Variants in WASF3 observed in about 807,000 individuals in gnomAD.
WASF3 encodes the protein actin-binding protein WASF3.
WASF3 carries 11 observed loss-of-function variants against 46.6 expected under a neutral mutation model. The observed-to-expected ratio is 0.24, with a 90% confidence interval of 0.15 to 0.39. The LOEUF is 0.39. Ranked by LOEUF, WASF3 falls within the 10% of genes least tolerant of loss-of-function variation. The pLI is 1.00. For synonymous variants in WASF3, 242 were observed against 259.7 expected, an observed-to-expected ratio of 0.93 and a Z score of 0.65; for missense variants, 576 against 669.8, an observed-to-expected ratio of 0.86 and a Z score of 1.55.
rs559127498 is a variant in WASF3, at chr13:26,600,238, A to G, written c.-108-12723A>G. On this transcript the variant is annotated intron_variant, in intron 1 of 9. Coordinates refer to ENST00000335327, the MANE Select transcript of WASF3 (RefSeq NM_006646.6). ...TACAGCAAGATTATATTTCATTTCA[A>G]ATAAAAGAAGAGAAGGCTAGTGGTT... Among the ~76,000 whole-genome samples, 144 of 152,318 alleles carry G rather than the reference A, an allele frequency of 9.5e-4. 1 individual carries two copies. Among genetic ancestry groups the G allele is most frequent in the African/African-American group, 3.3e-3 (139 of 41,568 alleles).
Position 26,671,974 on chromosome 13 carries a change from GA to G in WASF3, c.529del (p.Arg177GlyfsTer9). 1 of 1,607,216 alleles carries G rather than the reference GA, an allele frequency of 6.2e-7. No homozygotes were observed. Among genetic ancestry groups the G allele is most frequent in the Non-Finnish European group, 8.5e-7 (1 of 1,177,390 alleles). On this transcript the variant is annotated frameshift_variant, in exon 6 of 10. Coordinates refer to ENST00000335327, the MANE Select transcript of WASF3 (RefSeq NM_006646.6). LOFTEE classifies it high-confidence loss of function. ...LQDTEDKRKEKRRQKEQKRID... is the reference protein window; with the variant it reads ...LQDTEDKRKEXRRQKEQKRID... ...AGGACACAGAAGACAAAAGGAAAGA[GA>G]AAAGGCGTCAAAAGGTAAATAATTT...
At chr13:26,664,882 A>G (rs1882726074) in intron 3 of WASF3, 146 bp from the exon 4 acceptor site, 2 of 719,144 alleles carry the variant, frequency 2.8e-6, no homozygotes. Flanking sequence ...CAAAAGTTCT[A>G]AAGGCCTTGG....
At chr13:26,581,026 G>A (rs938271989) in intron 1 of WASF3, among the ~76,000 whole-genome samples, 36 of 151,396 alleles carry the variant, frequency 2.4e-4, no homozygotes, top group African/African-American at 8.7e-4. Flanking sequence ...TGACTTCTGG[G>A]ATCAGTTGAT....
intron 3 of WASF3, among the ~76,000 whole-genome samples, chr13:26,643,133 CT>C (rs1882049852): frequency 6.6e-6 from 1 of 152,070 alleles, no homozygotes; most frequent in Non-Finnish European, 1.5e-5. Flanking sequence ...TCCTTCAAAG[CT>C]TTTTGAAGTT....
intron 1 of WASF3, among the ~76,000 whole-genome samples, chr13:26,583,087 A>G (rs1483398414): frequency 6.6e-6 from 1 of 152,252 alleles, no homozygotes; most frequent in East Asian, 1.9e-4. Context: ...AGCAATAGCC[A>G]TGGTAAAGCA....
the WASF3 span, among the ~76,000 whole-genome samples, chr13:26,541,291 A>G: frequency 6.6e-6 from 1 of 152,152 alleles, no homozygotes; most frequent in South Asian, 2.1e-4. Flanking sequence ...GGGCAGGGAA[A>G]GGCGGAACTT....
the WASF3 span, among the ~76,000 whole-genome samples, chr13:26,545,583 T>C: frequency 3.9e-5 from 6 of 152,208 alleles, no homozygotes; most frequent in Admixed American, 6.5e-5. Flanking sequence ...GTATTTATCC[T>C]ATCTCTGTTT....
rs969414365 is a variant in WASF3 at position 26,595,959 on chromosome 13, G to T, written c.-108-17002G>T. Among the ~76,000 whole-genome samples, 4 of 152,154 alleles carry T rather than the reference G, an allele frequency of 2.6e-5. No individual in the cohort carries two copies. In the East Asian group the frequency reaches 7.7e-4, roughly 29 times the overall value. ...GAGTAAAGCTGCTATGGACATTTGT[G>T]TACAGGTTTTTCTATGAATATATTT... On this transcript the variant is annotated intron_variant, in intron 1 of 9. Transcript: ENST00000335327.
At chr13:26,587,626 CTTCTT>C (rs1323969504) in intron 1 of WASF3, among the ~76,000 whole-genome samples, 1 of 152,150 alleles carries the variant, frequency 6.6e-6, no homozygotes, top group Non-Finnish European at 1.5e-5. Flanking sequence ...GGATGTATAT[CTTCTT>C]TGCTTTTTGA....
intron 1 of WASF3, among the ~76,000 whole-genome samples, chr13:26,608,015 C>T (rs1566049219): frequency 1.3e-5 from 2 of 152,174 alleles, no homozygotes; most frequent in South Asian, 4.2e-4. Context: ...TACAGGAGCT[C>T]AGTCCGAAAT....
At chr13:26,674,005 G>A (rs189951924) in intron 6 of WASF3, among the ~76,000 whole-genome samples, 16 of 152,268 alleles carry the variant, frequency 1.1e-4, no homozygotes, top group Admixed American at 7.8e-4. Flanking sequence ...GCGTGCTTCC[G>A]AATTGAGGAG....
chr13:26,539,699 T>G, the WASF3 span, among the ~76,000 whole-genome samples: 4 of 152,232 alleles, frequency 2.6e-5, no homozygotes, highest in Non-Finnish European at 5.9e-5. Context: ...AATCTAAGTC[T>G]GATTCTTCAA....
At chr13:26,551,110 C>T in the WASF3 span, among the ~76,000 whole-genome samples, 1 of 152,154 alleles carries the variant, frequency 6.6e-6, no homozygotes, top group Non-Finnish European at 1.5e-5. Flanking sequence ...AAGTGTGTGG[C>T]ACTTTTCCCT....
intron 3 of WASF3, among the ~76,000 whole-genome samples, chr13:26,661,088 T>C (rs1882616234): frequency 6.6e-6 from 1 of 152,198 alleles, no homozygotes; most frequent in Non-Finnish European, 1.5e-5. Flanking sequence ...ACCCTTGTGA[T>C]CCAAACAAAT....
At chr13:26,540,777 G>A in the WASF3 span, among the ~76,000 whole-genome samples, 1 of 152,194 alleles carries the variant, frequency 6.6e-6, no homozygotes, top group African/African-American at 2.4e-5. Flanking sequence ...GACCTTACAC[G>A]CTTTGCATCT....
upstream of WASF3, among the ~76,000 whole-genome samples, chr13:26,556,798 T>C (rs576804166): frequency 5.3e-5 from 8 of 152,362 alleles, no homozygotes; most frequent in Non-Finnish European, 1.0e-4. Flanking sequence ...TTCATTAGAA[T>C]TTAAAATTTT....
chr13:26,589,350 A>G (rs1441701034), intron 1 of WASF3, among the ~76,000 whole-genome samples: 2 of 152,298 alleles, frequency 1.3e-5, no homozygotes, highest in East Asian at 3.9e-4. Context: ...GCATTGAAGG[A>G]AGAAGTGGCC....
intron 6 of WASF3, among the ~76,000 whole-genome samples, chr13:26,673,318 T>C (rs892531740): frequency 1.3e-5 from 2 of 152,228 alleles, no homozygotes; most frequent in Non-Finnish European, 2.9e-5. Flanking sequence ...CTGTGCTGTT[T>C]TGTCTCATTC....
chr13:26,669,847 T>C (rs1331696021), intron 5 of WASF3, among the ~76,000 whole-genome samples: 1 of 150,876 alleles, frequency 6.6e-6, no homozygotes, highest in African/African-American at 2.4e-5. Context: ...TTAGAAGCTA[T>C]AGGAAACAAC....
Sources: allele counts gnomAD v4.1 joint callset (sites outside exome capture counted in the v4.1 genomes callset), GRCh38; gene constraint gnomAD v4.1.1; transcripts MANE v1.5; gene names NCBI Gene and HGNC (gene_info 2026-07-23, HGNC 2026-07-21).